Variants in CEP112 observed in about 807,000 individuals in gnomAD.
The protein encoded by CEP112 is centrosomal protein 112.
Under a neutral mutation model 153.0 loss-of-function variants are expected in CEP112, and 127 were observed. The observed-to-expected ratio is 0.83, with a 90% CI of 0.72 to 0.96. CEP112 has a LOEUF of 0.96. CEP112 is among the 40% of genes least tolerant of loss of function. The pLI, the probability that CEP112 is intolerant of heterozygous loss-of-function variation, is 0.00. For synonymous variants in CEP112, 358 were observed against 374.4 expected (o/e 0.96, Z 0.51); for missense variants, 1,089 against 1,101.2 (o/e 0.99, Z 0.16).
chr17:66,154,104 G>A (rs1227632288), intron 4 of CEP112, among the ~76,000 whole-genome samples: 3 of 152,098 alleles, frequency 2.0e-5, no homozygotes, highest in Non-Finnish European at 4.4e-5. Flanking sequence ...TCTTGAACAT[G>A]GGAGGTGGAG....
rs555460679 is a variant in CEP112 at position 66,172,578 on chromosome 17, C to G, written c.470+2466G>C. On this transcript the variant is annotated intron_variant, in intron 4 of 26. Coordinates refer to ENST00000535342, the MANE Select transcript of CEP112 (RefSeq NM_001199165.4). The stretch of plus-strand genomic sequence containing the variant: ...TGGGGATTTTACTATGGTTCCATTT[C>G]TCAAAAAAGTCAATGGCTAATAGTT... Among the ~76,000 whole-genome samples the G allele has an allele frequency of 8.5e-5, 13 of 152,242 alleles. No individual in the cohort carries two copies. In the South Asian group the frequency reaches 2.7e-3, roughly 32 times the overall value.
chr17:65,928,621 G>A (rs923057344), intron 18 of CEP112, among the ~76,000 whole-genome samples: 5 of 152,176 alleles, frequency 3.3e-5, no homozygotes, highest in East Asian at 3.9e-4. Flanking sequence ...CATGTACTCT[G>A]GGAGGCTGAG....
chr17:65,739,488 C>A (rs1275121835), intron 23 of CEP112, among the ~76,000 whole-genome samples: 1 of 152,128 alleles, frequency 6.6e-6, no homozygotes, highest in Non-Finnish European at 1.5e-5. Flanking sequence ...GTAATCCCAG[C>A]ACTTTGGGAG....
intron 12 of CEP112, among the ~76,000 whole-genome samples, chr17:66,033,411 A>G (rs2065577335): frequency 1.3e-5 from 2 of 152,128 alleles, no homozygotes; most frequent in South Asian, 2.1e-4. Flanking sequence ...AAACCCTCCA[A>G]TGGCTTCTCT....
At chr17:65,725,811 T>G (rs2050146218) in intron 23 of CEP112, among the ~76,000 whole-genome samples, 1 of 152,094 alleles carries the variant, frequency 6.6e-6, no homozygotes, top group African/African-American at 2.4e-5. Context: ...TAGAACAGTA[T>G]GGGGGAAACT....
At chr17:66,088,175 T>C (rs1430202532) in intron 8 of CEP112, among the ~76,000 whole-genome samples, 2 of 151,506 alleles carry the variant, frequency 1.3e-5, no homozygotes, top group African/African-American at 2.4e-5. Flanking sequence ...CTGGCTAGCC[T>C]CTGTAGCCCC....
chr17:66,112,629 A>G (rs963417739), intron 6 of CEP112, among the ~76,000 whole-genome samples: 6 of 151,998 alleles, frequency 3.9e-5, no homozygotes, highest in African/African-American at 1.2e-4. Flanking sequence ...TACCAGAGAA[A>G]TGCGCATATT....
At chr17:66,121,353 C>A (rs2069577683) in intron 6 of CEP112, among the ~76,000 whole-genome samples, 1 of 151,898 alleles carries the variant, frequency 6.6e-6, no homozygotes, top group African/African-American at 2.4e-5. Flanking sequence ...TGTATTTAAA[C>A]TTGAAGTGCA....
intron 21 of CEP112, among the ~76,000 whole-genome samples, chr17:65,763,135 C>T (rs764165392): frequency 7.2e-5 from 11 of 152,066 alleles, no homozygotes; most frequent in African/African-American, 1.2e-4. Context: ...ACTTCTCTCT[C>T]TTCACGCTTG....
intron 16 of CEP112, among the ~76,000 whole-genome samples, chr17:66,015,381 G>C (rs935681284): frequency 2.4e-5 from 3 of 122,974 alleles, no homozygotes; most frequent in Non-Finnish European, 5.3e-5. Context: ...TTTCGTTCTT[G>C]AGTATTTTTT....
intron 24 of CEP112, among the ~76,000 whole-genome samples, chr17:65,665,427 C>A (rs560699083): frequency 6.6e-6 from 1 of 152,202 alleles, no homozygotes; most frequent in Non-Finnish European, 1.5e-5. Flanking sequence ...TTCTGCCATT[C>A]CCTCCTGCCT....
intron 4 of CEP112, among the ~76,000 whole-genome samples, chr17:66,165,263 A>G (rs1464131211): frequency 1.3e-5 from 2 of 151,900 alleles, no homozygotes; most frequent in African/African-American, 4.8e-5. Context: ...ACATGTGGCT[A>G]TTTAAGTTAA....
At chr17:66,052,837 T>A (rs1032277946) in intron 12 of CEP112, among the ~76,000 whole-genome samples, 1 of 152,206 alleles carries the variant, frequency 6.6e-6, no homozygotes, top group African/African-American at 2.4e-5. Context: ...CCAGGCGTGG[T>A]TGATCATGAC....
rs9915718 is a variant in CEP112, at chr17:65,847,574, C to T, written c.2394+4230G>A. Among the ~76,000 whole-genome samples the T allele has an allele frequency of 3.1e-3, 467 of 152,290 alleles. 2 individuals carry two copies. Among genetic ancestry groups the T allele is most frequent in the African/African-American group, 0.011 (443 of 41,556 alleles). On this transcript the variant is annotated intron_variant, in intron 21 of 26. Transcript: ENST00000535342. ...TCCTCCATTGGTGAAGGTCATGCCT[C>T]CTGTCACTCATTCATGTCATACCCG...
At chr17:65,819,484 C>T (rs2056428556) in intron 21 of CEP112, among the ~76,000 whole-genome samples, 1 of 151,922 alleles carries the variant, frequency 6.6e-6, no homozygotes, top group Admixed American at 6.6e-5. Flanking sequence ...GAACAAAAGT[C>T]TAAGAATATG....
At chr17:65,708,336 G>T (rs765307147) in intron 23 of CEP112, among the ~76,000 whole-genome samples, 3 of 151,938 alleles carry the variant, frequency 2.0e-5, no homozygotes, top group Non-Finnish European at 4.4e-5. Context: ...CCTATTTTAG[G>T]ACCTAATATC....
At chr17:65,933,816 G>A (rs2061211541) in intron 18 of CEP112, among the ~76,000 whole-genome samples, 1 of 152,216 alleles carries the variant, frequency 6.6e-6, no homozygotes, top group Non-Finnish European at 1.5e-5. Flanking sequence ...AGTGCTGTAA[G>A]TATGGTGTGT....
chr17:65,937,527 G>A (rs2061362016), intron 18 of CEP112, among the ~76,000 whole-genome samples: 1 of 138,396 alleles, frequency 7.2e-6, no homozygotes, highest in Admixed American at 8.2e-5. Flanking sequence ...GAAGTGAGGA[G>A]CCCCTCTGCC....
chr17:65,667,698 G>T (rs1001308014), intron 24 of CEP112, among the ~76,000 whole-genome samples: 26 of 151,980 alleles, frequency 1.7e-4, no homozygotes, highest in Non-Finnish European at 3.4e-4. Flanking sequence ...CTCACATTTA[G>T]ACAAACTTAG....
Sources: allele counts gnomAD v4.1 joint callset (sites outside exome capture counted in the v4.1 genomes callset), GRCh38; gene constraint gnomAD v4.1.1; transcripts MANE v1.5; gene names NCBI Gene and HGNC (gene_info 2026-07-23, HGNC 2026-07-21).